NKAIN3: variants seen among roughly 807,000 people sequenced by gnomAD.
The protein encoded by NKAIN3 is sodium/potassium transporting ATPase interacting 3.
Under a neutral mutation model 30.2 loss-of-function variants are expected in NKAIN3, and 25 were observed. That is an observed-to-expected ratio of 0.83 (90% confidence interval 0.60 to 1.16). The LOEUF is 1.16. Among genes scored for constraint, NKAIN3 ranks in the 50% most tolerant of loss-of-function variants. The pLI, the probability that NKAIN3 is intolerant of heterozygous loss-of-function variation, is 0.00. For missense variants in NKAIN3, 225 were observed against 254.1 expected (o/e 0.89, Z 0.78); for synonymous variants, 91 against 89.6 (o/e 1.02, Z -0.09).
intron 1 of NKAIN3, among the ~76,000 whole-genome samples, chr8:62,357,097 A>G (rs947608705): frequency 1.3e-4 from 19 of 145,652 alleles, no homozygotes; most frequent in Admixed American, 1.2e-3. Context: ...GTGAGACCCT[A>G]TCTCAAAAAT....
intron 4 of NKAIN3, among the ~76,000 whole-genome samples, chr8:62,760,071 A>G (rs564092551): frequency 2.2e-3 from 337 of 152,336 alleles, no homozygotes; most frequent in Admixed American, 3.6e-3. Flanking sequence ...CAAAACCACA[A>G]TGAGATACCA....
chr8:62,687,239 A>G (rs1245495004), intron 3 of NKAIN3, among the ~76,000 whole-genome samples: 3 of 152,230 alleles, frequency 2.0e-5, no homozygotes, highest in Admixed American at 6.5e-5. Flanking sequence ...ACCAGCAAAA[A>G]ACAGAAGGAA....
chr8:62,450,941 A>G (rs1053944553), intron 1 of NKAIN3, among the ~76,000 whole-genome samples: 5 of 152,226 alleles, frequency 3.3e-5, no homozygotes, highest in Non-Finnish European at 5.9e-5. Flanking sequence ...TGAGGAACAG[A>G]TACAGTGTGC....
intron 3 of NKAIN3, among the ~76,000 whole-genome samples, chr8:62,648,989 G>T (rs187972572): frequency 6.6e-6 from 1 of 152,298 alleles, no homozygotes; most frequent in Admixed American, 6.5e-5. Context: ...ATTCTCTTCA[G>T]CCAGGAATTA....
chr8:62,722,051 T>C (rs1325013732), intron 3 of NKAIN3, among the ~76,000 whole-genome samples: 1 of 152,178 alleles, frequency 6.6e-6, no homozygotes, highest in Non-Finnish European at 1.5e-5. Context: ...ATGGAAAGCA[T>C]AGCTAAGTCT....
At chr8:62,494,984 A>T (rs1318892967) in intron 1 of NKAIN3, among the ~76,000 whole-genome samples, 1 of 151,942 alleles carries the variant, frequency 6.6e-6, no homozygotes, top group East Asian at 1.9e-4. Flanking sequence ...GATCTTTTGA[A>T]TTTTTTTATG....
chr8:62,413,898 T>G (rs941454865), intron 1 of NKAIN3, among the ~76,000 whole-genome samples: 3 of 152,134 alleles, frequency 2.0e-5, no homozygotes, highest in Non-Finnish European at 4.4e-5. Flanking sequence ...ACAGAAAGCC[T>G]TATGTGATTT....
intron 1 of NKAIN3, among the ~76,000 whole-genome samples, chr8:62,291,376 G>A (rs1813618939): frequency 6.6e-6 from 1 of 152,150 alleles, no homozygotes. Flanking sequence ...TGGGCATTTA[G>A]TGCTATAAAT....
At chr8:62,788,128 G>A (rs963374134) in intron 4 of NKAIN3, among the ~76,000 whole-genome samples, 2 of 152,154 alleles carry the variant, frequency 1.3e-5, no homozygotes, top group African/African-American at 4.8e-5. Flanking sequence ...CTTCCACAAA[G>A]GTTGAACTAG....
intron 1 of NKAIN3, among the ~76,000 whole-genome samples, chr8:62,269,877 A>G (rs1396174280): frequency 6.6e-6 from 1 of 152,192 alleles, no homozygotes; most frequent in East Asian, 1.9e-4. Context: ...ATAGGAAGCC[A>G]TAAAAACAAA....
intron 4 of NKAIN3, among the ~76,000 whole-genome samples, chr8:62,786,674 A>T (rs1248201799): frequency 1.3e-5 from 2 of 152,180 alleles, no homozygotes; most frequent in Non-Finnish European, 2.9e-5. Flanking sequence ...GCATTCGGTT[A>T]TCCTATTTAC....
intron 1 of NKAIN3, among the ~76,000 whole-genome samples, chr8:62,348,925 A>G (rs1178474977): frequency 6.6e-6 from 1 of 152,172 alleles, no homozygotes; most frequent in Non-Finnish European, 1.5e-5. Context: ...CTCGTGCCTG[A>G]CTTTCAGAAA....
chr8:62,599,239 C>T (rs578111854), intron 3 of NKAIN3, among the ~76,000 whole-genome samples: 1 of 152,120 alleles, frequency 6.6e-6, no homozygotes, highest in East Asian at 1.9e-4. Flanking sequence ...TTACCGCAGG[C>T]TTGAGTGTTT....
chr8:62,453,365 C>T (rs1747314303), intron 1 of NKAIN3, among the ~76,000 whole-genome samples: 7 of 152,222 alleles, frequency 4.6e-5, no homozygotes. Flanking sequence ...ATCAAAATAT[C>T]TGGGACAGCC....
At chr8:62,501,302 TA>T (rs1362544823) in intron 1 of NKAIN3, among the ~76,000 whole-genome samples, 4 of 152,162 alleles carry the variant, frequency 2.6e-5, no homozygotes, top group African/African-American at 9.7e-5. Context: ...CTCATGACCT[TA>T]TTAAATCCTC....
intron 4 of NKAIN3, among the ~76,000 whole-genome samples, chr8:62,913,260 T>C (rs1821979542): frequency 6.6e-6 from 1 of 152,180 alleles, no homozygotes; most frequent in African/African-American, 2.4e-5. Context: ...TTATATACTA[T>C]ATGTATTTGT....
At chr8:62,773,165 C>A (rs1242971276) in intron 4 of NKAIN3, among the ~76,000 whole-genome samples, 5 of 151,962 alleles carry the variant, frequency 3.3e-5, no homozygotes, top group Admixed American at 2.0e-4. Context: ...CCAATGTTTT[C>A]TTTTGGTAGC....
chr8:62,793,839 C>G (rs1817769871), intron 4 of NKAIN3, among the ~76,000 whole-genome samples: 1 of 152,190 alleles, frequency 6.6e-6, no homozygotes, highest in South Asian at 2.1e-4. Context: ...CTATAATCTT[C>G]ATCAAACCTG....
At chr8:62,632,643 C>G (rs2130270844) in intron 3 of NKAIN3, among the ~76,000 whole-genome samples, 1 of 152,212 alleles carries the variant, frequency 6.6e-6, no homozygotes, top group East Asian at 1.9e-4. Context: ...GCTGGGATTA[C>G]AGCCGTGTGC....
Sources: allele counts gnomAD v4.1 joint callset (sites outside exome capture counted in the v4.1 genomes callset), GRCh38; gene constraint gnomAD v4.1.1; transcripts MANE v1.5; gene names NCBI Gene and HGNC (gene_info 2026-07-23, HGNC 2026-07-21).